SIPA1L1: variants seen among roughly 807,000 people sequenced by gnomAD.
The protein encoded by SIPA1L1 is signal induced proliferation associated 1 like 1.
A neutral mutation model predicts 162.7 loss-of-function variants in SIPA1L1; 26 were observed. The ratio of observed to expected loss-of-function variants is 0.16; its 90% CI spans 0.12 to 0.22. The LOEUF (loss-of-function observed/expected upper bound fraction) is 0.22, where lower values mean the gene tolerates loss of function less well. Among genes scored for constraint, SIPA1L1 ranks in the 10% least tolerant of loss-of-function variants. The pLI is 1.00. For missense variants in SIPA1L1, 1,874 were observed against 2,241.0 expected, an observed-to-expected ratio of 0.84 and a Z score of 3.31; for synonymous variants, 829 against 837.4, an observed-to-expected ratio of 0.99 and a Z score of 0.17.
chr14:71,549,114 G>A (rs2055538808), intron 4 of SIPA1L1, among the ~76,000 whole-genome samples: 1 of 152,118 alleles, frequency 6.6e-6, no homozygotes, highest in East Asian at 1.9e-4. Context: ...CATTTAAGTG[G>A]TTTTAAGTGC....
chr14:71,447,038 A>G (rs2045458319), intron 2 of SIPA1L1, among the ~76,000 whole-genome samples: 1 of 148,708 alleles, frequency 6.7e-6, no homozygotes, highest in Non-Finnish European at 1.5e-5. Context: ...CGGCCCCCTG[A>G]GTAGCTGGGA....
intron 2 of SIPA1L1, among the ~76,000 whole-genome samples, chr14:71,347,326 A>G (rs550146435): frequency 6.6e-6 from 1 of 152,210 alleles, no homozygotes; most frequent in African/African-American, 2.4e-5. Context: ...TGTAGCATAT[A>G]TCATACTTTA....
At chr14:71,540,231 G>A (rs2054261058) in intron 4 of SIPA1L1, among the ~76,000 whole-genome samples, 1 of 152,186 alleles carries the variant, frequency 6.6e-6, no homozygotes, top group South Asian at 2.1e-4. Context: ...GGGGAAGAGC[G>A]GGGCTGATCC....
chr14:71,388,701 C>T (rs2141306692), intron 2 of SIPA1L1, among the ~76,000 whole-genome samples: 1 of 152,314 alleles, frequency 6.6e-6, no homozygotes, highest in South Asian at 2.1e-4. Context: ...GCATGAGTGA[C>T]AGTCTGAAAG....
rs1312125565 is a variant in SIPA1L1, at chr14:71,685,181, CTTCCT to C, written c.3105-179_3105-175del. Among the ~76,000 whole-genome samples, 10 of 152,266 alleles carry C rather than the reference CTTCCT, an allele frequency of 6.6e-5. No individual in the cohort carries two copies. The East Asian group carries it at 1.2e-3, about 18-fold the overall frequency. On this transcript the variant is annotated intron_variant, in intron 12 of 23. Transcript: ENST00000381232. ...AGTAAAGGAAAATACTATTATAATA[CTTCCT>C]TGGGTTCTGGTTTTTGAAAAGAAAA...
chr14:71,678,097 T>C (rs2045397451), intron 12 of SIPA1L1, among the ~76,000 whole-genome samples: 1 of 152,196 alleles, frequency 6.6e-6, no homozygotes, highest in Admixed American at 6.5e-5. Flanking sequence ...CAGGGACAAT[T>C]TGACTTCCTC....
At chr14:71,526,909 T>G (rs1034804269) in intron 3 of SIPA1L1, among the ~76,000 whole-genome samples, 3 of 152,178 alleles carry the variant, frequency 2.0e-5, no homozygotes, top group African/African-American at 7.2e-5. Flanking sequence ...CAGGGTATGT[T>G]TATGTTCTGC....
Position 71,588,255 on chromosome 14 carries a change from A to T in SIPA1L1, c.383A>T (p.Asp128Val). The change falls in exon 5 of 24, where the codon GAC (aspartate) becomes GTC (valine). Residue 128 changes from aspartate (D) to valine (V), a missense_variant. Physicochemically the swap from Asp to Val is radical, Grantham distance 152 (BLOSUM62 -3). Coordinates refer to ENST00000381232, the MANE Select transcript of SIPA1L1 (RefSeq NM_001386936.1). This position sits in a 1 kb window ranked among gnomAD's most constrained non-coding sequence, Gnocchi z 4.3. The part of the protein sequence containing the change: ...QGSSVSLNSN[D>V]SAMLKSIQNT... ...AGTTCTGTTAGCCTCAATTCCAATGACTCAGCCATGCTGAAAAGCATACAG... is the reference window on the plus strand; with the variant it reads ...AGTTCTGTTAGCCTCAATTCCAATGTCTCAGCCATGCTGAAAAGCATACAG... 1 of 1,614,114 alleles carries T rather than the reference A, an allele frequency of 6.2e-7. No homozygotes were observed. Among genetic ancestry groups the T allele is most frequent in the Non-Finnish European group, 8.5e-7 (1 of 1,179,994 alleles).
chr14:71,618,678 C>A, intron 5 of SIPA1L1, 79 bp from the exon 6 acceptor site: 2 of 1,330,738 alleles, frequency 1.5e-6, no homozygotes, highest in African/African-American at 1.5e-5. Context: ...GAGTGACAAC[C>A]TTAAATACTG....
chr14:71,320,886 CCA>C (rs2032685625), intron 1 of SIPA1L1, among the ~76,000 whole-genome samples: 1 of 151,966 alleles, frequency 6.6e-6, no homozygotes, highest in Admixed American at 6.5e-5. Flanking sequence ...AAGGACGGGG[CCA>C]CCTCCGCCTT....
At chr14:71,479,390 TATTCATTC>T (rs978606131) in intron 2 of SIPA1L1, among the ~76,000 whole-genome samples, 1 of 152,124 alleles carries the variant, frequency 6.6e-6, no homozygotes, top group South Asian at 2.1e-4. Context: ...TATATGTATG[TATTCATTC>T]ATTCATTCAT....
At chr14:71,635,574 A>G (rs758806885) in intron 7 of SIPA1L1, among the ~76,000 whole-genome samples, 11 of 152,244 alleles carry the variant, frequency 7.2e-5, no homozygotes, top group African/African-American at 9.6e-5. Context: ...AGATATATAT[A>G]GTAATACATA....
chr14:71,665,348 G>C (rs1305059686), intron 10 of SIPA1L1, among the ~76,000 whole-genome samples: 1 of 152,120 alleles, frequency 6.6e-6, no homozygotes, highest in African/African-American at 2.4e-5. Context: ...AGGAATAACT[G>C]ACTAATTCAG....
At chr14:71,429,358 G>A (rs1010805557) in intron 2 of SIPA1L1, among the ~76,000 whole-genome samples, 1 of 150,906 alleles carries the variant, frequency 6.6e-6, no homozygotes, top group African/African-American at 2.4e-5. Flanking sequence ...TTGTATTTTT[G>A]TATTTTAGAA....
At chr14:71,568,881 G>T (rs1241706485) in intron 4 of SIPA1L1, among the ~76,000 whole-genome samples, 1 of 152,194 alleles carries the variant, frequency 6.6e-6, no homozygotes, top group Non-Finnish European at 1.5e-5. Context: ...CTCTGGAGAG[G>T]CCAGGAGAAG....
intron 13 of SIPA1L1, 47 bp downstream of exon 13, chr14:71,685,678 G>T (rs1321275204): frequency 6.2e-7 from 1 of 1,604,768 alleles, no homozygotes; most frequent in African/African-American, 1.3e-5. Context: ...TGCCCCAAAT[G>T]TAAGTAACAC....
chr14:71,522,819 G>T (rs569260018), intron 3 of SIPA1L1, among the ~76,000 whole-genome samples: 4 of 151,656 alleles, frequency 2.6e-5, no homozygotes, highest in African/African-American at 7.3e-5. Context: ...TCAGCCTCCC[G>T]AGTAGTTGGG....
At chr14:71,564,040 T>C (rs1419813338) in intron 4 of SIPA1L1, among the ~76,000 whole-genome samples, 3 of 152,060 alleles carry the variant, frequency 2.0e-5, no homozygotes, top group African/African-American at 7.2e-5. Context: ...CTCCACCTTC[T>C]GTCTCAAGGG....
At chr14:71,721,954 A>G (rs2083778078) in intron 17 of SIPA1L1, among the ~76,000 whole-genome samples, 1 of 152,166 alleles carries the variant, frequency 6.6e-6, no homozygotes, top group African/African-American at 2.4e-5. Flanking sequence ...TCTGGCTGAG[A>G]ATTCCCCTCT....
Sources: gnomAD v4.1 joint callset for allele counts (sites outside exome capture counted in the v4.1 genomes callset) on GRCh38, gnomAD v4.1.1 for gene constraint, Gnocchi (gnomAD v3.1) non-coding constraint, MANE v1.5 for transcripts, NCBI Gene and HGNC (gene_info 2026-07-23, HGNC 2026-07-21) for gene names.